Variants in UTP15 observed in about 807,000 individuals in gnomAD.
The protein encoded by UTP15 is UTP15 small subunit processome component.
A neutral mutation model predicts 59.1 loss-of-function variants in UTP15; 5 were observed. That is an observed-to-expected ratio of 0.08 (90% confidence interval 0.04 to 0.18). The LOEUF is 0.18. Among genes scored for constraint, UTP15 ranks in the 10% least tolerant of loss-of-function variants. The probability of loss-of-function intolerance (pLI) is 1.00; values close to 1 mark genes in which losing one functional copy is unlikely to be tolerated. For missense variants in UTP15, 494 were observed against 616.7 expected (o/e 0.80, Z 2.11); for synonymous variants, 211 against 212.2 (o/e 0.99, Z 0.05).
Position 73,580,915 on chromosome 5 carries a change from A to C in UTP15, c.*821A>C, listed in dbSNP as rs1489498696. ...AGCTAAGCTACCTAATCCTCTGAAAACTGTTTTCTCTGATTTGTATTTAGA... is the reference window on the plus strand; with the variant it reads ...AGCTAAGCTACCTAATCCTCTGAAACCTGTTTTCTCTGATTTGTATTTAGA... On this transcript the variant is annotated 3_prime_UTR_variant, in exon 13 of 13. Transcript: ENST00000296792. 1 of 152,126 alleles carries C rather than the reference A, an allele frequency of 6.6e-6. No individual in the cohort carries two copies. Among genetic ancestry groups the C allele is most frequent in the African/African-American group, 2.4e-5 (1 of 41,430 alleles). The allele number at this position is 152,126 out of a possible 1,614,324, so 9.4% of individuals were successfully genotyped here.
At chr5:73,568,643 T>G in intron 4 of UTP15, 39 bp downstream of exon 4, 1 of 1,554,188 alleles carries the variant, frequency 6.4e-7, no homozygotes. Context: ...TGGTTTTATT[T>G]TGTTGTAAGC....
chr5:73,568,635 G>A, intron 4 of UTP15, 31 bp downstream of exon 4: 5 of 1,563,762 alleles, frequency 3.2e-6, no homozygotes, highest in Non-Finnish European at 4.3e-6. Flanking sequence ...GTGTGTTCTG[G>A]TTTTATTTTG....
chr5:73,576,449 A>T (rs1275786453), intron 7 of UTP15, among the ~76,000 whole-genome samples: 1 of 146,494 alleles, frequency 6.8e-6, no homozygotes, highest in African/African-American at 2.5e-5. Context: ...TTTTATACGG[A>T]TGTTATAGTT....
Position 73,570,820 on chromosome 5 carries a change from G to A in UTP15, c.673+109G>A, listed in dbSNP as rs1747910609. 3 of 1,464,684 alleles carry A rather than the reference G, an allele frequency of 2.0e-6. No individual in the cohort carries two copies. In the East Asian group the frequency reaches 6.9e-5, roughly 33 times the overall value. 90.7% of individuals were successfully genotyped at this position (1,464,684 alleles called of 1,614,324 possible). ...GTGTGCATTTGAATTGCATATCTAA[G>A]TCTTTGTTCAAACAGTTGATAGGTA... is the stretch of plus-strand genomic sequence containing the variant. On this transcript the variant is annotated intron_variant, in intron 6 of 12. Coordinates refer to ENST00000296792, the MANE Select transcript of UTP15 (RefSeq NM_032175.4).
chr5:73,572,382 C>T, intron 6 of UTP15, 107 bp from the exon 7 acceptor site: 9 of 1,461,490 alleles, frequency 6.2e-6, no homozygotes, highest in Non-Finnish European at 8.4e-6. Context: ...GACTCCCTCA[C>T]TCAGCCTCCA....
intron 7 of UTP15, among the ~76,000 whole-genome samples, chr5:73,573,405 G>C (rs1229563957): frequency 2.0e-5 from 3 of 151,590 alleles, no homozygotes; most frequent in African/African-American, 7.3e-5. Context: ...GCAGCACCAT[G>C]CCTGGCTAAT....
At position 73,572,135 on chromosome 5, in the gene UTP15, A is replaced by G. The variant is rs556735362; in HGVS notation, c.674-354A>G. Among the ~76,000 whole-genome samples, 7 of 151,852 alleles carry G rather than the reference A, an allele frequency of 4.6e-5. No individual in the cohort carries two copies. The East Asian group carries it at 1.4e-3, about 30-fold the overall frequency. ...TCCATATTAGACTTTTTTGCTTGAT[A>G]TTTTGCTGCAGATCTACATTATTCA... On this transcript the variant is annotated intron_variant, in intron 6 of 12. Coordinates refer to ENST00000296792, the MANE Select transcript of UTP15 (RefSeq NM_032175.4).
intron 8 of UTP15, among the ~76,000 whole-genome samples, chr5:73,577,359 G>A (rs993877073): frequency 2.0e-5 from 3 of 152,118 alleles, no homozygotes; most frequent in African/African-American, 4.8e-5. Flanking sequence ...AGGCAGATTA[G>A]CTCTCTGAGC....
chr5:73,568,613 C>G lies in UTP15; in HGVS notation c.368+9C>G. The G allele has an allele frequency of 1.9e-6, 3 of 1,597,214 alleles. No individual in the cohort carries two copies. The highest frequency in any genetic ancestry group is 3.4e-4 in the Middle Eastern group (2 of 5,954). On this transcript the variant is annotated intron_variant, in intron 4 of 12. Transcript: ENST00000296792. ...TTTGAAGGCCATACAAAGTAAGAGACAGTTGGTTTCTGTGTGTTCTGGTTT... is the reference window on the plus strand; with the variant it reads ...TTTGAAGGCCATACAAAGTAAGAGAGAGTTGGTTTCTGTGTGTTCTGGTTT...
In UTP15 at chr5:73,577,963, A is replaced by G. The variant is rs758919454; in HGVS notation, c.1002A>G (p.Ala334=). 2.5e-6 allele frequency: 4 copies of G among 1,583,508 alleles called. No individual in the cohort carries two copies. The highest frequency in any genetic ancestry group is 1.2e-5 in the South Asian group (1 of 85,498). Residue 334 remains alanine (A), a synonymous_variant, in exon 9 of 13, where the codon GCA becomes GCG. Transcript: ENST00000296792. ...KESLPRRRRP[A]YRTFIKGKNY... is the part of the protein sequence containing the mutation. ...CACTTCCCAGAAGAAGAAGGCCTGC[A>G]TATCGAACCTTTATTAAAGGAAAAA...
chr5:73,574,884 G>A (rs1748044962), intron 7 of UTP15, among the ~76,000 whole-genome samples: 3 of 152,112 alleles, frequency 2.0e-5, no homozygotes, highest in Non-Finnish European at 2.9e-5. Context: ...AAAGTATACA[G>A]TCATCTCTTG....
At chr5:73,568,008 A>G (rs931343506) in intron 2 of UTP15, among the ~76,000 whole-genome samples, 2 of 152,190 alleles carry the variant, frequency 1.3e-5, no homozygotes, top group Non-Finnish European at 2.9e-5. Flanking sequence ...ATAGCTGAAG[A>G]GACAGAGTGG....
At position 73,581,964 on chromosome 5, in the gene UTP15, A is replaced by AT. The variant is rs1333978075; in HGVS notation, c.*1870_*1871insT. ...ATTTAAATAAAGTTTCTATTTAAAAACCTTTTTAAAAAGTTAACATCATAA... is the reference window on the plus strand; with the variant it reads ...ATTTAAATAAAGTTTCTATTTAAAAATCCTTTTTAAAAAGTTAACATCATAA... On this transcript the variant is annotated 3_prime_UTR_variant, in exon 13 of 13. Coordinates refer to ENST00000296792, the MANE Select transcript of UTP15 (RefSeq NM_032175.4). 6.6e-6 allele frequency: 1 copy of AT among 152,186 alleles called. No individual in the cohort carries two copies. The highest frequency in any genetic ancestry group is 1.5e-5 in the Non-Finnish European group (1 of 68,034). The allele number at this position is 152,186 out of a possible 1,614,324, so 9.4% of individuals were successfully genotyped here. A position where few individuals can be genotyped will look rare whatever the true frequency, so the allele number is the denominator to read the frequency against.
At chr5:73,566,976 C>G (rs941247115) in intron 1 of UTP15, among the ~76,000 whole-genome samples, 1 of 152,116 alleles carries the variant, frequency 6.6e-6, no homozygotes, top group Non-Finnish European at 1.5e-5. Context: ...CAGCATGATC[C>G]TTTTTGGTTT....
chr5:73,580,718 G>A lies in UTP15; in HGVS notation c.*624G>A, dbSNP rs1748277538. On this transcript the variant is annotated 3_prime_UTR_variant, in exon 13 of 13. Transcript: ENST00000296792. Reference sequence around the variant, plus strand: ...GACACTAGCTAGATTTGTATTCAGAGTGTGAGAGCAAGCTCTACAGATAGA... The same window carrying A: ...GACACTAGCTAGATTTGTATTCAGAATGTGAGAGCAAGCTCTACAGATAGA... The A allele has an allele frequency of 6.6e-6, 1 of 152,196 alleles. No homozygotes were observed. The highest frequency in any genetic ancestry group is 1.5e-5 in the Non-Finnish European group (1 of 68,044). 9.4% of individuals were successfully genotyped at this position (152,196 alleles called of 1,614,324 possible). A position where few individuals can be genotyped will look rare whatever the true frequency, so the allele number is the denominator to read the frequency against.
At position 73,569,332 on chromosome 5, in the gene UTP15, G is replaced by A. The variant is rs1372380568; in HGVS notation, c.369-165G>A. Among the ~76,000 whole-genome samples the A allele has an allele frequency of 4.6e-5, 7 of 151,746 alleles. No homozygotes were observed. The East Asian group carries it at 1.4e-3, about 29-fold the overall frequency. ...TTTACACTTCTTAATTGGTTTGGGG[G>A]CAAACACTTGTAAGTTTTCTCTTTC... On this transcript the variant is annotated intron_variant, in intron 4 of 12. Transcript: ENST00000296792.
At chr5:73,574,250 A>C (rs1434451159) in intron 7 of UTP15, among the ~76,000 whole-genome samples, 1 of 151,918 alleles carries the variant, frequency 6.6e-6, no homozygotes, top group African/African-American at 2.4e-5. Context: ...CTTAAGCCGG[A>C]GTTTGAGGTT....
In UTP15 at chr5:73,578,925, T is replaced by C. The variant is rs554252838; in HGVS notation, c.1146+73T>C. 115 of 1,599,134 alleles carry C rather than the reference T, an allele frequency of 7.2e-5. 2 individuals carry two copies. In the South Asian group the frequency reaches 1.2e-3, roughly 17 times the overall value. The stretch of plus-strand genomic sequence containing the variant: ...TTACCATGACTTGGAACTGTGAAGA[T>C]AAATATTATTCAAACTTGATAATTT... On this transcript the variant is annotated intron_variant, in intron 10 of 12. Transcript: ENST00000296792.
intron 9 of UTP15, chr5:73,578,527 A>C (rs1025129064): frequency 2.1e-6 from 1 of 467,998 alleles, no homozygotes; most frequent in South Asian, 3.0e-5. Flanking sequence ...AGTTAAAATT[A>C]TAAGAGAGTA....
Sources: allele counts gnomAD v4.1 joint callset (sites outside exome capture counted in the v4.1 genomes callset), GRCh38; gene constraint gnomAD v4.1.1; transcripts MANE v1.5; gene names NCBI Gene and HGNC (gene_info 2026-07-23, HGNC 2026-07-21).